OPCML: variants seen among roughly 807,000 people sequenced by gnomAD.
The protein encoded by OPCML is opioid binding protein/cell adhesion molecule like, also known as opioid-binding protein/cell adhesion molecule.
Under a neutral mutation model 37.8 loss-of-function variants are expected in OPCML, and 13 were observed. That is an observed-to-expected ratio of 0.34 (90% CI 0.22 to 0.55). The LOEUF is 0.55. Among genes scored for constraint, OPCML ranks in the 20% least tolerant of loss-of-function variants. OPCML has a pLI of 0.91. For missense variants in OPCML, 341 were observed against 435.6 expected (o/e 0.78, Z 1.93); for synonymous variants, 176 against 168.8 (o/e 1.04, Z -0.33).
At chr11:132,972,206 G>T (rs57981661) in intron 1 of OPCML, among the ~76,000 whole-genome samples, 1 of 152,076 alleles carries the variant, frequency 6.6e-6, no homozygotes, top group Non-Finnish European at 1.5e-5. Flanking sequence ...CAGCTTCTTC[G>T]TTGTAAAACA....
At position 132,443,399 on chromosome 11, in the gene OPCML, T is replaced by A. The variant is rs555392214; in HGVS notation, c.506-6040A>T. ...CACCCAGGGGTCTTTTTGGCTCACATGGTTGGGTTTCTGGGAAAACAAGAA... is the reference window on the plus strand; with the variant it reads ...CACCCAGGGGTCTTTTTGGCTCACAAGGTTGGGTTTCTGGGAAAACAAGAA... On this transcript the variant is annotated intron_variant, in intron 4 of 7. Transcript: ENST00000524381. 2.0e-5 allele frequency among the ~76,000 whole-genome samples: 3 copies of A among 152,266 alleles called. No individual in the cohort carries two copies. In the East Asian group the frequency reaches 5.8e-4, roughly 30 times the overall value.
At chr11:132,674,094 G>A (rs1251602103) in intron 2 of OPCML, among the ~76,000 whole-genome samples, 3 of 152,198 alleles carry the variant, frequency 2.0e-5, no homozygotes, top group African/African-American at 7.2e-5. Context: ...GACAAAGCTA[G>A]CTAATAAACC....
intron 1 of OPCML, among the ~76,000 whole-genome samples, chr11:133,479,927 C>T (rs996713564): frequency 1.3e-5 from 2 of 152,230 alleles, no homozygotes; most frequent in Admixed American, 6.5e-5. Flanking sequence ...CTTGCTAATA[C>T]CACCTGCTTT....
intron 2 of OPCML, among the ~76,000 whole-genome samples, chr11:132,714,214 T>C (rs76415075): frequency 6.6e-6 from 1 of 152,358 alleles, no homozygotes; most frequent in East Asian, 1.9e-4. Context: ...TCTTTCTGCC[T>C]ACTTCCTTTC....
chr11:133,029,512 A>G (rs896595237), intron 1 of OPCML, among the ~76,000 whole-genome samples: 3 of 152,234 alleles, frequency 2.0e-5, no homozygotes, highest in African/African-American at 7.2e-5. Flanking sequence ...GATGTGCTAC[A>G]TATACACCAT....
At chr11:132,610,098 G>A (rs1938550556) in intron 3 of OPCML, among the ~76,000 whole-genome samples, 1 of 152,166 alleles carries the variant, frequency 6.6e-6, no homozygotes, top group African/African-American at 2.4e-5. Flanking sequence ...AAGCAACCAT[G>A]CTTGTGCATG....
intron 3 of OPCML, among the ~76,000 whole-genome samples, chr11:132,634,299 G>A (rs931504992): frequency 6.6e-6 from 1 of 152,148 alleles, no homozygotes; most frequent in Non-Finnish European, 1.5e-5. Flanking sequence ...GGTGGAAATA[G>A]CTATTGAGTA....
intron 1 of OPCML, among the ~76,000 whole-genome samples, chr11:133,510,601 T>G (rs368295763): frequency 1.3e-5 from 2 of 152,218 alleles, no homozygotes; most frequent in East Asian, 3.9e-4. Flanking sequence ...CTTTGTTCCT[T>G]TAATTGTGTC....
At chr11:133,525,035 G>A (rs577213452) in intron 1 of OPCML, among the ~76,000 whole-genome samples, 6 of 152,198 alleles carry the variant, frequency 3.9e-5, no homozygotes, top group Non-Finnish European at 8.8e-5. Context: ...AGAACATATT[G>A]GAGAACAAAA....
chr11:133,167,836 CCAGT>C (rs1950232976), intron 1 of OPCML, among the ~76,000 whole-genome samples: 1 of 152,110 alleles, frequency 6.6e-6, no homozygotes, highest in African/African-American at 2.4e-5. Flanking sequence ...TACCACCCAC[CCAGT>C]CACCCAACCA....
At chr11:133,511,296 G>T (rs533085810) in intron 1 of OPCML, among the ~76,000 whole-genome samples, 1 of 152,212 alleles carries the variant, frequency 6.6e-6, no homozygotes, top group African/African-American at 2.4e-5. Context: ...TTTAAACAAA[G>T]CGAGTCCTGC....
At position 132,936,156 on chromosome 11, in the gene OPCML, C is replaced by G. The variant is rs556196988; in HGVS notation, c.146+6770G>C. Reference sequence around the variant, plus strand: ...AAGCAAGGAGACTCTAAAGATGGGACAGCAGACAGCTGCAGCCTTCAACTG... The same window carrying G: ...AAGCAAGGAGACTCTAAAGATGGGAGAGCAGACAGCTGCAGCCTTCAACTG... On this transcript the variant is annotated intron_variant, in intron 2 of 7. Transcript: ENST00000524381. Among the ~76,000 whole-genome samples, 10 of 152,282 alleles carry G rather than the reference C, an allele frequency of 6.6e-5. No individual in the cohort carries two copies. The South Asian group carries it at 1.4e-3, about 22-fold the overall frequency.
intron 3 of OPCML, among the ~76,000 whole-genome samples, chr11:132,606,928 T>C (rs1214449248): frequency 6.6e-6 from 1 of 152,190 alleles, no homozygotes; most frequent in Non-Finnish European, 1.5e-5. Context: ...AGAGACAGTA[T>C]GTAGAAATTG....
chr11:133,116,894 T>C (rs1206725328), intron 1 of OPCML, among the ~76,000 whole-genome samples: 1 of 151,882 alleles, frequency 6.6e-6, no homozygotes, highest in African/African-American at 2.4e-5. Flanking sequence ...GAATCAATTA[T>C]TTCTGTGGTG....
intron 1 of OPCML, among the ~76,000 whole-genome samples, chr11:133,290,247 G>A (rs1942439333): frequency 1.5e-5 from 2 of 137,856 alleles, no homozygotes; most frequent in Admixed American, 1.5e-4. Flanking sequence ...CCAGAGGGTA[G>A]GGCAGCCAAT....
At chr11:133,095,634 T>C (rs575193054) in intron 1 of OPCML, among the ~76,000 whole-genome samples, 1 of 147,718 alleles carries the variant, frequency 6.8e-6, no homozygotes, top group East Asian at 2.0e-4. Flanking sequence ...ACAGTAGTCA[T>C]GAATTCTAAT....
chr11:133,418,385 C>A, intron 1 of OPCML: 1 of 985,270 alleles, frequency 1.0e-6, no homozygotes, highest in Non-Finnish European at 1.2e-6. Flanking sequence ...TCAGAAGCCA[C>A]CTAAATAGAT....
intron 1 of OPCML, among the ~76,000 whole-genome samples, chr11:133,435,533 TGTGG>T: frequency 6.6e-6 from 1 of 152,216 alleles, no homozygotes; most frequent in South Asian, 2.1e-4. Flanking sequence ...AGTTTCCATT[TGTGG>T]AATTGTAACA....
At chr11:133,051,894 C>T (rs1948138653) in intron 1 of OPCML, among the ~76,000 whole-genome samples, 1 of 152,176 alleles carries the variant, frequency 6.6e-6, no homozygotes, top group South Asian at 2.1e-4. Context: ...AAATATACCC[C>T]AAACAGCTTT....
Sources: allele counts gnomAD v4.1 joint callset (sites outside exome capture counted in the v4.1 genomes callset), GRCh38; gene constraint gnomAD v4.1.1; transcripts MANE v1.5; gene names NCBI Gene and HGNC (gene_info 2026-07-23, HGNC 2026-07-21).